Variants in KCNS3 observed in about 807,000 individuals in gnomAD.
KCNS3 encodes delayed-rectifier potassium channel regulatory subunit KCNS3.
Under a neutral mutation model 31.0 loss-of-function variants are expected in KCNS3, and 13 were observed. The ratio of observed to expected loss-of-function variants is 0.42; its 90% CI spans 0.27 to 0.67. KCNS3 has a LOEUF of 0.67. Ranked by LOEUF, KCNS3 falls within the 30% of genes least tolerant of loss-of-function variation. The probability of loss-of-function intolerance (pLI) is 0.25; values close to 1 mark genes in which losing one functional copy is unlikely to be tolerated. For missense variants in KCNS3, 545 were observed against 622.4 expected (o/e 0.88, Z 1.32); for synonymous variants, 238 against 241.5 (o/e 0.99, Z 0.13).
At chr2:17,896,595 T>C (rs1431889676) in intron 1 of KCNS3, among the ~76,000 whole-genome samples, 1 of 152,114 alleles carries the variant, frequency 6.6e-6, no homozygotes, top group Non-Finnish European at 1.5e-5. Flanking sequence ...TGGCCACATG[T>C]CTGTTTCATC....
chr2:17,903,115 G>C (rs1227669771), intron 1 of KCNS3, among the ~76,000 whole-genome samples: 4 of 152,136 alleles, frequency 2.6e-5, no homozygotes, highest in African/African-American at 9.7e-5. Flanking sequence ...AATGCAGTGG[G>C]CAAGAGAGAC....
chr2:17,888,629 G>GTATA lies in KCNS3; in HGVS notation c.-252+9864_-252+9867dup, dbSNP rs70964021. ...GAACTTAAAGTATAATAAAAAAAATGTATATATATATATATATATATATAT... is the reference window on the plus strand; with the variant it reads ...GAACTTAAAGTATAATAAAAAAAATGTATATATATATATATATATATATATATAT... On this transcript the variant is annotated intron_variant, in intron 1 of 2. Transcript: ENST00000304101. Among the ~76,000 whole-genome samples the GTATA allele has an allele frequency of 1.9e-3, 171 of 92,300 alleles. 1 individual carries two copies. The highest frequency in any genetic ancestry group is 8.1e-3 in the East Asian group (15 of 1,856). 60.6% of individuals were successfully genotyped at this position (92,300 alleles called of 152,430 possible).
chr2:17,878,919 G>A (rs1674573228), intron 1 of KCNS3, 113 bp downstream of exon 1: 1 of 152,312 alleles, frequency 6.6e-6, no homozygotes, highest in Non-Finnish European at 1.5e-5. Flanking sequence ...CTGTGGTCCA[G>A]GTCGCGGGTG....
Position 17,932,178 on chromosome 2 carries a change from C to T in KCNS3, c.1170C>T (p.Cys390=), listed in dbSNP as rs998808057. Residue 390 remains cysteine (C), a synonymous_variant, in exon 3 of 3, where the codon TGC becomes TGT. Coordinates refer to ENST00000304101, the MANE Select transcript of KCNS3 (RefSeq NM_002252.5). Reference sequence around the variant, plus strand: ...CGGGAAAGCTCATCGCCAGCACATGCATCATCTGTGGCATCTTGGTGGTGG... The same window carrying T: ...CGGGAAAGCTCATCGCCAGCACATGTATCATCTGTGGCATCTTGGTGGTGG... ...TLAGKLIAST[C]IICGILVVAL... 1.9e-6 allele frequency: 3 copies of T among 1,613,880 alleles called. No homozygotes were observed. Among genetic ancestry groups the T allele is most frequent in the African/African-American group, 2.7e-5 (2 of 74,892 alleles).
At chr2:17,918,995 C>T (rs1662653284) in intron 2 of KCNS3, among the ~76,000 whole-genome samples, 1 of 152,214 alleles carries the variant, frequency 6.6e-6, no homozygotes, top group Admixed American at 6.5e-5. Context: ...TACAGCAGGG[C>T]TAGGGGCCCC....
At chr2:17,921,773 C>T (rs1026010041) in intron 2 of KCNS3, among the ~76,000 whole-genome samples, 1 of 151,332 alleles carries the variant, frequency 6.6e-6, no homozygotes, top group African/African-American at 2.4e-5. Context: ...GAAGTCTGCC[C>T]CCATGATTCA....
intron 1 of KCNS3, among the ~76,000 whole-genome samples, chr2:17,908,231 C>T (rs1558454002): frequency 6.6e-6 from 1 of 152,170 alleles, no homozygotes; most frequent in Non-Finnish European, 1.5e-5. Context: ...CACTGATACC[C>T]TTTCTTCCAG....
At chr2:17,916,426 T>C (rs543181114) in intron 1 of KCNS3, among the ~76,000 whole-genome samples, 95 of 152,240 alleles carry the variant, frequency 6.2e-4, no homozygotes, top group Middle Eastern at 3.4e-3. Flanking sequence ...AGCACCTGAA[T>C]TGATTTTACT....
intron 1 of KCNS3, among the ~76,000 whole-genome samples, chr2:17,893,555 C>T (rs1279981474): frequency 6.6e-6 from 1 of 152,192 alleles, no homozygotes; most frequent in Non-Finnish European, 1.5e-5. Flanking sequence ...TGGTGCCAGG[C>T]AGGAATGGAC....
At chr2:17,930,887 T>A in intron 2 of KCNS3, 63 bp from the exon 3 acceptor site, 1 of 1,164,096 alleles carries the variant, frequency 8.6e-7, no homozygotes, top group Non-Finnish European at 1.2e-6. Context: ...AAGGGCAGAT[T>A]AAAAATAAGC....
intron 2 of KCNS3, among the ~76,000 whole-genome samples, chr2:17,924,875 G>T (rs936791589): frequency 2.0e-5 from 3 of 152,200 alleles, no homozygotes; most frequent in Non-Finnish European, 4.4e-5. Flanking sequence ...GAGCTGGGAA[G>T]TATGCCTTTC....
intron 1 of KCNS3, among the ~76,000 whole-genome samples, chr2:17,880,450 A>G (rs1241912051): frequency 6.6e-6 from 1 of 152,120 alleles, no homozygotes; most frequent in Non-Finnish European, 1.5e-5. Context: ...TCTTGTTCTA[A>G]TATTATGTTT....
At chr2:17,921,943 ATATATATATATATAT>A (rs1662724060) in intron 2 of KCNS3, among the ~76,000 whole-genome samples, 2 of 136,648 alleles carry the variant, frequency 1.5e-5, no homozygotes, top group African/African-American at 5.5e-5. Flanking sequence ...ATATATATAT[ATATATATATATATAT>A]AAATACATAT....
chr2:17,927,226 C>T (rs1662858939), intron 2 of KCNS3, among the ~76,000 whole-genome samples: 1 of 152,212 alleles, frequency 6.6e-6, no homozygotes, highest in Non-Finnish European at 1.5e-5. Flanking sequence ...CCATCTGAGA[C>T]CACTTCAGCC....
At chr2:17,910,724 G>A (rs1662452171) in intron 1 of KCNS3, among the ~76,000 whole-genome samples, 1 of 151,998 alleles carries the variant, frequency 6.6e-6, no homozygotes, top group East Asian at 1.9e-4. Context: ...TCTTTCAGGA[G>A]GCCCGAGGTG....
intron 1 of KCNS3, among the ~76,000 whole-genome samples, chr2:17,889,680 A>G (rs1661792636): frequency 6.6e-6 from 1 of 152,120 alleles, no homozygotes; most frequent in South Asian, 2.1e-4. Context: ...ATCTATTGAG[A>G]TGATCATGTG....
chr2:17,885,597 T>A (rs921655023), intron 1 of KCNS3, among the ~76,000 whole-genome samples: 9 of 152,350 alleles, frequency 5.9e-5, no homozygotes, highest in African/African-American at 1.9e-4. Context: ...GAAGAGCTGA[T>A]GTTACAATGA....
At chr2:17,907,298 T>G (rs1662346571) in intron 1 of KCNS3, among the ~76,000 whole-genome samples, 1 of 152,238 alleles carries the variant, frequency 6.6e-6, no homozygotes, top group Admixed American at 6.5e-5. Context: ...TTTCTTTTGC[T>G]TTCCATTTGC....
intron 2 of KCNS3, among the ~76,000 whole-genome samples, chr2:17,923,962 C>T (rs1662777304): frequency 6.6e-6 from 1 of 151,890 alleles, no homozygotes; most frequent in Non-Finnish European, 1.5e-5. Flanking sequence ...AGGGTATTGC[C>T]ATTTAACAAT....
Sources: gnomAD v4.1 joint callset for allele counts (sites outside exome capture counted in the v4.1 genomes callset) on GRCh38, gnomAD v4.1.1 for gene constraint, MANE v1.5 for transcripts, NCBI Gene and HGNC (gene_info 2026-07-23, HGNC 2026-07-21) for gene names.